ANKRD66: variants seen among roughly 807,000 people sequenced by gnomAD.
ANKRD66 encodes ankyrin repeat domain-containing protein 66.
Under a neutral mutation model 10.9 loss-of-function variants are expected in ANKRD66, and 10 were observed. The ratio of observed to expected loss-of-function variants is 0.91; its 90% CI spans 0.56 to 1.55. The LOEUF is 1.55. ANKRD66 is among the 40% of genes most tolerant of loss of function. The pLI, the probability that ANKRD66 is intolerant of heterozygous loss-of-function variation, is 0.00. For missense variants in ANKRD66, 252 were observed against 242.9 expected, an observed-to-expected ratio of 1.04 and a Z score of -0.25; for synonymous variants, 85 against 88.4, an observed-to-expected ratio of 0.96 and a Z score of 0.22.
intron 4 of ANKRD66, chr6:46,756,176 A>G: frequency 2.6e-6 from 1 of 377,766 alleles, no homozygotes; most frequent in Non-Finnish European, 5.1e-6. Context: ...ATTAGGTCCT[A>G]AAATCTTGGG....
intron 2 of ANKRD66, among the ~76,000 whole-genome samples, chr6:46,751,083 T>C (rs1766259470): frequency 6.6e-6 from 1 of 152,222 alleles, no homozygotes; most frequent in East Asian, 1.9e-4. Context: ...ATTCTTATTG[T>C]TTCATTTAGG....
In ANKRD66 at chr6:46,753,887, G is replaced by C. The variant is rs1272459482; in HGVS notation, c.329G>C (p.Gly110Ala). The C allele has an allele frequency of 1.9e-6, 3 of 1,551,534 alleles. No homozygotes were observed. In the African/African-American group the frequency reaches 4.1e-5, roughly 21 times the overall value. The change falls in exon 4 of 5, where the codon GGA becomes GCA. Residue 110 changes from glycine (G) to alanine (A), a missense_variant. By Grantham distance (60) the Gly-to-Ala change is moderately conservative (BLOSUM62 0). Transcript: ENST00000565422. Reference sequence around the variant, plus strand: ...GCCATCGACGCCCCTGACTTCTTTGGAGACACACCGAAGAGGATTGCACAG... The same window carrying C: ...GCCATCGACGCCCCTGACTTCTTTGCAGACACACCGAAGAGGATTGCACAG... ...HAAIDAPDFF[G>A]DTPKRIAQIY...
intron 4 of ANKRD66, among the ~76,000 whole-genome samples, chr6:46,754,263 G>T (rs957894726): frequency 2.6e-5 from 4 of 152,092 alleles, no homozygotes; most frequent in African/African-American, 7.2e-5. Context: ...TTTCTAAAAG[G>T]CATCCAAACT....
At chr6:46,756,077 AG>A in intron 4 of ANKRD66, 1 of 451,154 alleles carries the variant, frequency 2.2e-6, no homozygotes, top group Admixed American at 2.4e-5. Flanking sequence ...TCTTCTCCCC[AG>A]GGGAATAGAA....
chr6:46,753,113 G>A (rs1307799103), intron 3 of ANKRD66, among the ~76,000 whole-genome samples: 1 of 152,188 alleles, frequency 6.6e-6, no homozygotes, highest in Non-Finnish European at 1.5e-5. Context: ...TGGGCACTGT[G>A]CTGTGTACTT....
At chr6:46,752,449 G>C (rs779195817) in intron 3 of ANKRD66, among the ~76,000 whole-genome samples, 70 of 152,280 alleles carry the variant, frequency 4.6e-4, no homozygotes, top group African/African-American at 1.7e-3. Context: ...TGGCCAGGCT[G>C]CTCTCAAACT....
At chr6:46,747,064 T>A (rs1766159979) in intron 1 of ANKRD66, 74 bp downstream of exon 1, 1 of 1,440,210 alleles carries the variant, frequency 6.9e-7, no homozygotes, top group Non-Finnish European at 9.4e-7. Context: ...AAAACTGATA[T>A]TTATTGACTA....
intron 1 of ANKRD66, 25 bp downstream of exon 1, chr6:46,747,015 C>T (rs2150724890): frequency 6.5e-7 from 1 of 1,532,186 alleles, no homozygotes; most frequent in East Asian, 2.4e-5. Flanking sequence ...GTTACCCTCT[C>T]TTATTTACTA....
rs1488294846 is a variant in ANKRD66 at position 46,757,872 on chromosome 6, G to A, written c.393-851G>A. The A allele has an allele frequency of 2.6e-5, 4 of 152,204 alleles. No homozygotes were observed. The South Asian group carries it at 6.2e-4, about 24-fold the overall frequency. The allele number at this position is 152,204 out of a possible 1,614,324, so 9.4% of individuals were successfully genotyped here. On this transcript the variant is annotated intron_variant, in intron 4 of 4. Transcript: ENST00000565422. ...GACATCAAGAAGGTTAACTGTGTGG[G>A]AGACGAAATAACTTGTTTACATAAA...
intron 1 of ANKRD66, among the ~76,000 whole-genome samples, chr6:46,747,256 G>A (rs573590095): frequency 1.3e-5 from 2 of 152,074 alleles, no homozygotes; most frequent in Non-Finnish European, 2.9e-5. Context: ...GTTTGTTTTT[G>A]TTTTGTAGAA....
intron 1 of ANKRD66, among the ~76,000 whole-genome samples, chr6:46,748,377 G>A (rs1766190105): frequency 6.6e-6 from 1 of 152,100 alleles, no homozygotes; most frequent in Non-Finnish European, 1.5e-5. Flanking sequence ...TCAAATGTGG[G>A]ACAAATGGGG....
At chr6:46,755,370 C>T (rs1202256603) in intron 4 of ANKRD66, among the ~76,000 whole-genome samples, 1 of 152,204 alleles carries the variant, frequency 6.6e-6, no homozygotes, top group Admixed American at 6.5e-5. Context: ...TATCCTACTC[C>T]TCACTGGCAA....
intron 4 of ANKRD66, among the ~76,000 whole-genome samples, chr6:46,755,772 C>A: frequency 6.6e-6 from 1 of 152,200 alleles, no homozygotes; most frequent in Non-Finnish European, 1.5e-5. Flanking sequence ...CTTCCCTACA[C>A]TTCTAAGCAA....
At chr6:46,756,358 T>C (rs1424053654) in intron 4 of ANKRD66, 2 of 159,810 alleles carry the variant, frequency 1.3e-5, no homozygotes, top group Non-Finnish European at 2.8e-5. Flanking sequence ...ATGTAATAGA[T>C]TTTCATAAAT....
chr6:46,756,603 A>G (rs924365873), intron 4 of ANKRD66: 2 of 152,362 alleles, frequency 1.3e-5, no homozygotes, highest in South Asian at 2.1e-4. Context: ...AAACTAATCT[A>G]TGTAATTGTC....
At chr6:46,749,013 C>T (rs994613158) in intron 1 of ANKRD66, among the ~76,000 whole-genome samples, 1 of 152,226 alleles carries the variant, frequency 6.6e-6, no homozygotes, top group Admixed American at 6.5e-5. Context: ...CAGGCCAAAT[C>T]TGGCTCACCC....
At chr6:46,752,524 C>A (rs562606502) in intron 3 of ANKRD66, among the ~76,000 whole-genome samples, 2 of 152,328 alleles carry the variant, frequency 1.3e-5, no homozygotes, top group East Asian at 3.9e-4. Flanking sequence ...CGTGAGCCAC[C>A]ACGCCTGGCC....
At chr6:46,749,762 A>G (rs910243075) in intron 1 of ANKRD66, 134 bp from the exon 2 acceptor site, 3 of 1,039,780 alleles carry the variant, frequency 2.9e-6, no homozygotes, top group African/African-American at 3.3e-5. Context: ...CCATCGCATC[A>G]GGACCCAGCT....
chr6:46,747,918 A>G (rs1766183198), intron 1 of ANKRD66, among the ~76,000 whole-genome samples: 1 of 152,200 alleles, frequency 6.6e-6, no homozygotes, highest in African/African-American at 2.4e-5. Flanking sequence ...AACGGAGTAG[A>G]TCTGAGAGTC....
Sources: gnomAD v4.1 joint callset for allele counts (sites outside exome capture counted in the v4.1 genomes callset) on GRCh38, gnomAD v4.1.1 for gene constraint, MANE v1.5 for transcripts, NCBI Gene and HGNC (gene_info 2026-07-23, HGNC 2026-07-21) for gene names.